The following RRAGD variants were observed in gnomAD, a reference collection of about 807,000 sequenced individuals.
RRAGD encodes ras-related GTP-binding protein D.
In RRAGD, 12 loss-of-function variants were observed where a neutral mutation model predicts 35.5. That is an observed-to-expected ratio of 0.34 (90% CI 0.22 to 0.55). The LOEUF is 0.55. Ranked by LOEUF, RRAGD falls within the 20% of genes least tolerant of loss-of-function variation. The pLI, the probability that RRAGD is intolerant of heterozygous loss-of-function variation, is 0.91. For missense variants in RRAGD, 324 were observed against 490.1 expected (o/e 0.66, Z 3.20); for synonymous variants, 155 against 178.9 (o/e 0.87, Z 1.07).
rs557007030 is a variant in RRAGD at position 89,398,890 on chromosome 6, A to G, written c.149-11300T>C. Among the ~76,000 whole-genome samples the G allele has an allele frequency of 5.3e-5, 8 of 152,292 alleles. No homozygotes were observed. The South Asian group carries it at 1.2e-3, about 24-fold the overall frequency. On this transcript the variant is annotated intron_variant, in intron 1 of 6. Coordinates refer to ENST00000369415, the MANE Select transcript of RRAGD (RefSeq NM_021244.5). The stretch of plus-strand genomic sequence containing the variant: ...CATTAAATACTATACTCTAATTTGC[A>G]TATCTCATGATTTAAAGTTTACAGG...
chr6:89,397,183 T>C (rs943956309), intron 1 of RRAGD, among the ~76,000 whole-genome samples: 13 of 152,218 alleles, frequency 8.5e-5, no homozygotes. Context: ...TATAATGAGA[T>C]ACTATTACAT....
intron 2 of RRAGD, among the ~76,000 whole-genome samples, chr6:89,381,572 TC>T (rs1433700315): frequency 6.6e-6 from 1 of 152,176 alleles, no homozygotes; most frequent in Non-Finnish European, 1.5e-5. Flanking sequence ...GACATATATA[TC>T]CCCAAACATC....
chr6:89,389,773 A>T (rs1025185174), intron 1 of RRAGD, among the ~76,000 whole-genome samples: 3 of 152,188 alleles, frequency 2.0e-5, no homozygotes, highest in Non-Finnish European at 1.5e-5. Context: ...TAAGGCTGTG[A>T]AGTCAGCAAG....
chr6:89,379,436 A>G, intron 3 of RRAGD, 98 bp from the exon 4 acceptor site: 2 of 617,738 alleles, frequency 3.2e-6, no homozygotes, highest in Non-Finnish European at 5.8e-6. Context: ...TTCTGTATGT[A>G]TAGTCCTAAC....
intron 1 of RRAGD, among the ~76,000 whole-genome samples, chr6:89,393,215 G>A (rs553512412): frequency 3.3e-5 from 5 of 152,322 alleles, no homozygotes; most frequent in African/African-American, 1.2e-4. Context: ...ACAAAAAGGA[G>A]AACTCAAAAT....
At chr6:89,396,162 C>T (rs576356417) in intron 1 of RRAGD, among the ~76,000 whole-genome samples, 17 of 151,924 alleles carry the variant, frequency 1.1e-4, no homozygotes, top group African/African-American at 4.1e-4. Flanking sequence ...CCCATGAAAA[C>T]TAAAATAACA....
chr6:89,381,594 C>G (rs939717068), intron 2 of RRAGD, among the ~76,000 whole-genome samples: 2 of 152,146 alleles, frequency 1.3e-5, no homozygotes, highest in South Asian at 4.1e-4. Context: ...ACATATAATT[C>G]ATTTACATTG....
rs1768868245 is a variant in RRAGD at position 89,372,343 on chromosome 6, T to C, written c.1051+94A>G. The C allele has an allele frequency of 3.7e-6, 5 of 1,345,508 alleles. No individual in the cohort carries two copies. The South Asian group carries it at 5.6e-5, about 15-fold the overall frequency. The allele number at this position is 1,345,508 out of a possible 1,614,324, so 83.3% of individuals were successfully genotyped here. A position where few individuals can be genotyped will look rare whatever the true frequency, so the allele number is the denominator to read the frequency against. ...ACTGGCATCTGGAAGTTTCGAGGGC[T>C]ATGCTGTTGTCCACCCACATTCAAC... On this transcript the variant is annotated intron_variant, in intron 6 of 6. Transcript: ENST00000369415.
In RRAGD at chr6:89,367,928, AT is replaced by A. The variant is rs142744016; in HGVS notation, c.*127del. ...AGAGAAGATCAAGAGGGTTGCAGGA[AT>A]TTTTTTTTTTTAACAACAAATCAAT... On this transcript the variant is annotated 3_prime_UTR_variant, in exon 7 of 7. Transcript: ENST00000369415. 27,247 of 677,042 alleles carry A rather than the reference AT, an allele frequency of 0.04. 60 individuals are homozygous for A. Among genetic ancestry groups the A allele is most frequent in the East Asian group, 0.059 (1,454 of 24,498 alleles). 41.9% of individuals were successfully genotyped at this position (677,042 alleles called of 1,614,324 possible). A position where few individuals can be genotyped will look rare whatever the true frequency, so the allele number is the denominator to read the frequency against.
chr6:89,386,109 A>G (rs114904019), intron 2 of RRAGD, among the ~76,000 whole-genome samples: 244 of 152,256 alleles, frequency 1.6e-3, no homozygotes, highest in African/African-American at 5.7e-3. Context: ...TGAACCTCAG[A>G]GTTGGTTCAG....
At chr6:89,377,902 T>A in intron 4 of RRAGD, 89 bp from the exon 5 acceptor site, 1 of 975,484 alleles carries the variant, frequency 1.0e-6, no homozygotes, top group Non-Finnish European at 1.5e-6. Flanking sequence ...ATTCTTAATG[T>A]AAAATACAAA....
At chr6:89,404,990 T>C (rs1191021597) in intron 1 of RRAGD, among the ~76,000 whole-genome samples, 1 of 151,830 alleles carries the variant, frequency 6.6e-6, no homozygotes, top group African/African-American at 2.4e-5. Context: ...TTAAGGAGAG[T>C]TCTCTGAGAG....
chr6:89,392,576 C>G (rs1361535377), intron 1 of RRAGD, among the ~76,000 whole-genome samples: 1 of 151,758 alleles, frequency 6.6e-6, no homozygotes, highest in Non-Finnish European at 1.5e-5. Context: ...CTCATCATGT[C>G]TTTTTCTCTG....
At position 89,380,227 on chromosome 6, in the gene RRAGD, A is replaced by C; in HGVS notation, c.585T>G (p.Asp195Glu). ...GGTCATCGTTTGCCCTCTGGTGAAT[A>C]TCTCTTTGGGTTTCAATTTTGTGGT... ...SDDHKIETQR[D>E]IHQRANDDLA... is the part of the protein sequence containing the mutation. Residue 195 changes from aspartate to glutamate, a missense_variant, in exon 3 of 7, where the codon GAT becomes GAG. By Grantham distance (45) the Asp-to-Glu change is conservative. Coordinates refer to ENST00000369415, the MANE Select transcript of RRAGD (RefSeq NM_021244.5). 1 of 1,614,210 alleles carries C rather than the reference A, an allele frequency of 6.2e-7. No homozygotes were observed. Among genetic ancestry groups the C allele is most frequent in the Non-Finnish European group, 8.5e-7 (1 of 1,180,044 alleles).
At chr6:89,379,700 T>C (rs906594056) in intron 3 of RRAGD, among the ~76,000 whole-genome samples, 19 of 152,258 alleles carry the variant, frequency 1.2e-4, no homozygotes, top group African/African-American at 4.6e-4. Context: ...ATTCTTGATA[T>C]TGAAGCAACT....
chr6:89,366,554 A>G lies in RRAGD; in HGVS notation c.*1502T>C, dbSNP rs1283462984. ...AAAAAAAAAAAAAAAAGTTTCAAGT[A>G]TAAGTTGCTTTAGGGACTTTATATA... On this transcript the variant is annotated 3_prime_UTR_variant, in exon 7 of 7. Coordinates refer to ENST00000369415, the MANE Select transcript of RRAGD (RefSeq NM_021244.5). 1.3e-5 allele frequency: 2 copies of G among 150,808 alleles called. No individual in the cohort carries two copies. Among genetic ancestry groups the G allele is most frequent in the Non-Finnish European group, 3.0e-5 (2 of 67,766 alleles). The allele number at this position is 150,808 out of a possible 1,614,324, so 9.3% of individuals were successfully genotyped here. A position where few individuals can be genotyped will look rare whatever the true frequency, so the allele number is the denominator to read the frequency against.
intron 6 of RRAGD, among the ~76,000 whole-genome samples, chr6:89,370,755 CTG>C (rs1471427881): frequency 3.3e-5 from 5 of 152,152 alleles, no homozygotes; most frequent in South Asian, 2.1e-4. Context: ...GGAAACATGT[CTG>C]TAATAATTTA....
intron 5 of RRAGD, among the ~76,000 whole-genome samples, chr6:89,374,905 T>G (rs11758862): frequency 0.089 from 13,561 of 152,174 alleles, 681 homozygotes; most frequent in Non-Finnish European, 0.11. Context: ...ACTACTATAT[T>G]TTAAGGCTCA....
At chr6:89,407,936 C>T (rs1769616237) in intron 1 of RRAGD, among the ~76,000 whole-genome samples, 1 of 152,006 alleles carries the variant, frequency 6.6e-6, no homozygotes, top group Admixed American at 6.6e-5. Context: ...CTCTCTGATG[C>T]CCTGAATCAC....
Sources: allele counts gnomAD v4.1 joint callset (sites outside exome capture counted in the v4.1 genomes callset), GRCh38; gene constraint gnomAD v4.1.1; transcripts MANE v1.5; gene names NCBI Gene and HGNC (gene_info 2026-07-23, HGNC 2026-07-21).